The following FYB1 variants were observed in gnomAD, a reference collection of about 807,000 sequenced individuals.
The protein encoded by FYB1 is FYN binding protein 1, also known as FYN-binding protein 1.
A neutral mutation model predicts 94.1 loss-of-function variants in FYB1; 41 were observed. That is an observed-to-expected ratio of 0.44 (90% CI 0.34 to 0.57). The LOEUF (loss-of-function observed/expected upper bound fraction) is 0.57. Ranked by LOEUF, FYB1 falls within the 20% of genes least tolerant of loss-of-function variation. The probability of loss-of-function intolerance (pLI) is 0.02; values close to 1 mark genes in which losing one functional copy is unlikely to be tolerated. For missense variants in FYB1, 1,050 were observed against 976.8 expected (o/e 1.07, Z -1.00); for synonymous variants, 367 against 353.2 (o/e 1.04, Z -0.44).
At chr5:39,247,917 TTCAGACAATC>T (rs1751557387) in intron 1 of FYB1, among the ~76,000 whole-genome samples, 1 of 152,126 alleles carries the variant, frequency 6.6e-6, no homozygotes, top group Admixed American at 6.6e-5. Context: ...TTGTTTTGTT[TTCAGACAATC>T]TGCTTTCTCT....
intron 2 of FYB1, among the ~76,000 whole-genome samples, chr5:39,190,280 A>T (rs558569262): frequency 7.0e-4 from 107 of 152,334 alleles, no homozygotes; most frequent in South Asian, 3.3e-3. Flanking sequence ...AAGAATTAAG[A>T]TTTTTGAGAA....
intron 1 of FYB1, chr5:39,209,094 G>C (rs999516770): frequency 1.3e-5 from 2 of 151,836 alleles, no homozygotes; most frequent in Non-Finnish European, 2.9e-5. Context: ...GACTTGATCT[G>C]TTGTACCCAG....
At chr5:39,162,832 A>G (rs966034822) in intron 2 of FYB1, among the ~76,000 whole-genome samples, 14 of 152,150 alleles carry the variant, frequency 9.2e-5, no homozygotes, top group Admixed American at 7.2e-4. Flanking sequence ...CATAAATGCT[A>G]TATCAATTGG....
At chr5:39,234,652 T>C (rs531192777) in intron 1 of FYB1, among the ~76,000 whole-genome samples, 45 of 152,180 alleles carry the variant, frequency 3.0e-4, no homozygotes, top group Non-Finnish European at 4.9e-4. Flanking sequence ...TAAATGCCCA[T>C]CAATGATAGA....
chr5:39,135,561 T>C (rs754540845), intron 7 of FYB1, among the ~76,000 whole-genome samples: 6 of 152,274 alleles, frequency 3.9e-5, no homozygotes, highest in Non-Finnish European at 8.8e-5. Context: ...GATAGAAGGA[T>C]AATGATGTTG....
intron 16 of FYB1, among the ~76,000 whole-genome samples, chr5:39,116,359 C>T (rs1739570401): frequency 1.3e-5 from 2 of 152,050 alleles, no homozygotes; most frequent in South Asian, 2.1e-4. Context: ...AGGTAGTTAA[C>T]GATGAACTTG....
At chr5:39,177,254 C>G (rs1356984168) in intron 2 of FYB1, among the ~76,000 whole-genome samples, 2 of 152,166 alleles carry the variant, frequency 1.3e-5, no homozygotes, top group Non-Finnish European at 2.9e-5. Flanking sequence ...TTTATTGTTT[C>G]TGTTGCTGCC....
intron 3 of FYB1, among the ~76,000 whole-genome samples, chr5:39,143,130 T>C (rs534505967): frequency 6.6e-6 from 1 of 152,336 alleles, no homozygotes; most frequent in African/African-American, 2.4e-5. Context: ...TTGAAATCTC[T>C]AGCCCAGCCT....
At chr5:39,167,386 A>C (rs1226858069) in intron 2 of FYB1, among the ~76,000 whole-genome samples, 2 of 152,210 alleles carry the variant, frequency 1.3e-5, no homozygotes, top group Non-Finnish European at 1.5e-5. Context: ...GTAGAGTTTC[A>C]GATGACCTCT....
chr5:39,273,035 C>T (rs1327717995), intron 1 of FYB1, among the ~76,000 whole-genome samples: 8 of 152,148 alleles, frequency 5.3e-5, no homozygotes, highest in Non-Finnish European at 1.0e-4. Context: ...GGGGCGCCTC[C>T]GCCCGGCCAG....
Position 39,119,500 on chromosome 5 carries a change from CT to C in FYB1, c.2238+34del, listed in dbSNP as rs201868597. 7.2e-3 allele frequency: 10,276 copies of C among 1,426,008 alleles called. 61 individuals carry two copies. Among genetic ancestry groups the C allele is most frequent in the Non-Finnish European group, 8.3e-3 (8,849 of 1,066,334 alleles). 88.3% of individuals were successfully genotyped at this position (1,426,008 alleles called of 1,614,324 possible). ...AAAATCATTGGATTTTTCAATAGTG[CT>C]TTGTACTTTGTATAATATTTAGATA... is the stretch of plus-strand genomic sequence containing the variant. On this transcript the variant is annotated intron_variant, in intron 15 of 18. Coordinates refer to ENST00000512982, the MANE Select transcript of FYB1 (RefSeq NM_001465.6).
At chr5:39,174,141 T>G (rs1745494859) in intron 2 of FYB1, among the ~76,000 whole-genome samples, 1 of 152,212 alleles carries the variant, frequency 6.6e-6, no homozygotes, top group African/African-American at 2.4e-5. Context: ...TGTTTTGTGG[T>G]TCTCCTTGAA....
chr5:39,221,178 G>A (rs1750238726), upstream of FYB1, among the ~76,000 whole-genome samples: 1 of 152,128 alleles, frequency 6.6e-6, no homozygotes, highest in South Asian at 2.1e-4. Flanking sequence ...TTCTTGGTGT[G>A]TCCTAAAAGA....
chr5:39,134,083 T>C, intron 9 of FYB1, 125 bp downstream of exon 9: 2 of 617,840 alleles, frequency 3.2e-6, no homozygotes, highest in Non-Finnish European at 5.4e-6. Context: ...TTATTGTAAG[T>C]GGTCATTTAG....
At chr5:39,129,862 A>C (rs937381331) in intron 10 of FYB1, among the ~76,000 whole-genome samples, 3 of 152,086 alleles carry the variant, frequency 2.0e-5, no homozygotes, top group African/African-American at 7.2e-5. Flanking sequence ...TTTTCAAAAA[A>C]ACTAAAAATA....
At chr5:39,259,384 C>G (rs1241520626) in intron 1 of FYB1, among the ~76,000 whole-genome samples, 1 of 152,162 alleles carries the variant, frequency 6.6e-6, no homozygotes, top group African/African-American at 2.4e-5. Flanking sequence ...GCGAAATGTC[C>G]AGAATTACTG....
intron 2 of FYB1, among the ~76,000 whole-genome samples, chr5:39,175,924 G>A (rs1360528145): frequency 6.6e-6 from 1 of 152,094 alleles, no homozygotes; most frequent in Non-Finnish European, 1.5e-5. Flanking sequence ...AAGGAATAGT[G>A]TGTCCCAGAC....
intron 1 of FYB1, among the ~76,000 whole-genome samples, chr5:39,239,255 A>T (rs1479766376): frequency 6.6e-6 from 1 of 152,144 alleles, no homozygotes; most frequent in Non-Finnish European, 1.5e-5. Flanking sequence ...CCAGAACAAG[A>T]AAAGTATTTT....
At chr5:39,163,841 G>A (rs1222332533) in intron 2 of FYB1, among the ~76,000 whole-genome samples, 4 of 51,504 alleles carry the variant, frequency 7.8e-5, no homozygotes, top group Admixed American at 5.6e-4. Context: ...TGGGCATAAG[G>A]CAATAACTGA....
Sources: allele counts gnomAD v4.1 joint callset (sites outside exome capture counted in the v4.1 genomes callset), GRCh38; gene constraint gnomAD v4.1.1; transcripts MANE v1.5; gene names NCBI Gene and HGNC (gene_info 2026-07-23, HGNC 2026-07-21).